The following ASCC3 variants were observed in gnomAD, a reference collection of about 807,000 sequenced individuals.
ASCC3 encodes ASC-1 complex subunit P200.
Under a neutral mutation model 256.3 loss-of-function variants are expected in ASCC3, and 158 were observed. The observed-to-expected ratio is 0.62, with a 90% CI of 0.54 to 0.70. The LOEUF (loss-of-function observed/expected upper bound fraction) is 0.70. Among genes scored for constraint, ASCC3 ranks in the 30% least tolerant of loss-of-function variants. The probability of loss-of-function intolerance (pLI) is 0.00; values close to 1 mark genes in which losing one functional copy is unlikely to be tolerated. For missense variants in ASCC3, 2,259 were observed against 2,626.0 expected (o/e 0.86, Z 3.05); for synonymous variants, 948 against 883.4 (o/e 1.07, Z -1.30).
intron 25 of ASCC3, among the ~76,000 whole-genome samples, chr6:100,632,691 C>A (rs1351438469): frequency 6.6e-6 from 1 of 152,122 alleles, no homozygotes; most frequent in Non-Finnish European, 1.5e-5. Context: ...GTCAACTAAT[C>A]TTCAACAAGG....
intron 10 of ASCC3, among the ~76,000 whole-genome samples, chr6:100,731,464 A>C (rs1779899750): frequency 6.6e-6 from 1 of 152,248 alleles, no homozygotes; most frequent in Admixed American, 6.5e-5. Context: ...CTGTTTATAC[A>C]AACCATAAAG....
Position 100,800,383 on chromosome 6 carries a change from G to A in ASCC3, c.1044C>T (p.Ala348=). The change falls in exon 6 of 42, where the codon GCC becomes GCT. Residue 348 remains alanine, a synonymous_variant. Transcript: ENST00000369162. ...CTTCTCCAGCCTTTTTTTCTCGTCT[G>A]GCAATTCTTTTTTCTTCACGTCGAT... ...KQYRREEKRI[A]RREKKAGEDL... The A allele has an allele frequency of 1.9e-6, 3 of 1,612,756 alleles. No individual in the cohort carries two copies. The highest frequency in any genetic ancestry group is 3.3e-4 in the Middle Eastern group (2 of 6,050).
chr6:100,654,020 C>A (rs1198801020), intron 17 of ASCC3, among the ~76,000 whole-genome samples: 1 of 151,686 alleles, frequency 6.6e-6, no homozygotes, highest in African/African-American at 2.4e-5. Context: ...TATTTATGTA[C>A]AAAATATAGC....
rs115307207 is a variant in ASCC3 at position 100,859,474 on chromosome 6, C to A, written c.241+4590G>T. ...AATACTGCTATATCCCTTTAACAGGCCTTTAGAATTCTAAATATCTACCAT... is the reference window on the plus strand; with the variant it reads ...AATACTGCTATATCCCTTTAACAGGACTTTAGAATTCTAAATATCTACCAT... On this transcript the variant is annotated intron_variant, in intron 3 of 41. Transcript: ENST00000369162. Among the ~76,000 whole-genome samples the A allele has an allele frequency of 5.4e-3, 827 of 152,124 alleles. 10 individuals are homozygous for A. Among genetic ancestry groups the A allele is most frequent in the African/African-American group, 0.019 (787 of 41,542 alleles).
intron 34 of ASCC3, among the ~76,000 whole-genome samples, chr6:100,596,510 A>G (rs554829019): frequency 6.6e-6 from 1 of 152,304 alleles, no homozygotes; most frequent in African/African-American, 2.4e-5. Context: ...GTAAACTACC[A>G]TAACTTTCTA....
chr6:100,670,288 G>A (rs1582667087), intron 14 of ASCC3, among the ~76,000 whole-genome samples: 1 of 151,900 alleles, frequency 6.6e-6, no homozygotes, highest in East Asian at 1.9e-4. Context: ...TGGGGGTAAA[G>A]CACAGTCTTC....
chr6:100,791,255 C>A (rs1019188179), intron 8 of ASCC3, among the ~76,000 whole-genome samples: 20 of 151,826 alleles, frequency 1.3e-4, no homozygotes, highest in African/African-American at 4.8e-4. Flanking sequence ...CAAGAATAAA[C>A]TGAGAATTTT....
At chr6:100,774,944 AG>A (rs1240407743) in intron 8 of ASCC3, among the ~76,000 whole-genome samples, 2 of 152,204 alleles carry the variant, frequency 1.3e-5, no homozygotes, top group Non-Finnish European at 2.9e-5. Context: ...TACAAGAAAC[AG>A]GATATTAGAA....
Position 100,848,614 on chromosome 6 carries a change from G to C in ASCC3, c.335C>G (p.Thr112Arg). The C allele has an allele frequency of 6.2e-7, 1 of 1,614,106 alleles. No homozygotes were observed. Among genetic ancestry groups the C allele is most frequent in the Non-Finnish European group, 8.5e-7 (1 of 1,180,014 alleles). The change falls in exon 4 of 42, where the codon ACA (threonine) becomes AGA (arginine). Residue 112 changes from threonine to arginine, a missense_variant. By Grantham distance (71) the Thr-to-Arg change is moderately conservative. This residue lies in a region of ASCC3 where 420 missense variants were observed against 419.3 expected (regional missense o/e 1.00). Transcript: ENST00000369162. ...HLKDSVGHKE[T>R]KAIKQMFGPF... is the part of the protein sequence containing the mutation. ...GCCAAACATCTGTTTGATAGCCTTT[G>C]TTTCCTTGTGACCAACAGAGTCCTT...
intron 3 of ASCC3, among the ~76,000 whole-genome samples, chr6:100,849,504 T>G (rs985292312): frequency 2.0e-5 from 3 of 152,134 alleles, no homozygotes; most frequent in African/African-American, 7.2e-5. Flanking sequence ...TCAAAAACAT[T>G]TAATACCATC....
chr6:100,669,499 CA>C (rs912328366), intron 14 of ASCC3, among the ~76,000 whole-genome samples: 2 of 151,324 alleles, frequency 1.3e-5, no homozygotes, highest in Non-Finnish European at 3.0e-5. Flanking sequence ...CTTGATTTGG[CA>C]AAAATACCAT....
In ASCC3 at chr6:100,848,506, G is replaced by A. The variant is rs775981781; in HGVS notation, c.443C>T (p.Ala148Val). Residue 148 changes from alanine to valine, a missense_variant, in exon 4 of 42, where the codon GCT becomes GTT. By Grantham distance (64) the Ala-to-Val change is moderately conservative. Transcript: ENST00000369162. ...ISHFSQDDLT[A>V]LVQMTEKEHG... ...TTCTTTTTCTGTCATCTGCACAAGA[G>A]CAGTAAGATCATCTTGACTAAAATG... The A allele has an allele frequency of 3.7e-6, 6 of 1,613,946 alleles. No individual in the cohort carries two copies. In the East Asian group the frequency reaches 1.3e-4, roughly 36 times the overall value.
intron 10 of ASCC3, among the ~76,000 whole-genome samples, chr6:100,756,057 A>G (rs554840421): frequency 2.0e-5 from 3 of 152,050 alleles, no homozygotes; most frequent in African/African-American, 7.2e-5. Flanking sequence ...TTGTTGGAAT[A>G]CAATACAAAA....
intron 4 of ASCC3, 29 bp downstream of exon 4, chr6:100,848,119 T>C (rs368129762): frequency 6.5e-7 from 1 of 1,536,918 alleles, no homozygotes; most frequent in Non-Finnish European, 8.7e-7. Context: ...TTCACATTAA[T>C]ATAAAAAAAT....
intron 13 of ASCC3, 66 bp from the exon 14 acceptor site, chr6:100,679,818 G>A (rs533376400): frequency 6.6e-7 from 1 of 1,522,122 alleles, no homozygotes; most frequent in Admixed American, 1.7e-5. Flanking sequence ...ATAGTAGCCT[G>A]GATATCATTC....
chr6:100,806,309 T>C (rs1770178469), intron 4 of ASCC3, among the ~76,000 whole-genome samples: 1 of 152,038 alleles, frequency 6.6e-6, no homozygotes, highest in South Asian at 2.1e-4. Flanking sequence ...AATGTTTTAA[T>C]GAATCATGAC....
At chr6:100,650,421 A>T in intron 20 of ASCC3, 117 bp downstream of exon 20, 1 of 1,010,938 alleles carries the variant, frequency 9.9e-7, no homozygotes, top group Non-Finnish European at 1.5e-6. Context: ...TTCTAAGTAA[A>T]ATGGTGGTTT....
chr6:100,832,029 A>T lies in ASCC3; in HGVS notation c.801+16119T>A, dbSNP rs527401524. Among the ~76,000 whole-genome samples the T allele has an allele frequency of 1.9e-4, 29 of 152,284 alleles. No homozygotes were observed. In the Middle Eastern group the frequency reaches 0.024, roughly 125 times the overall value. ...TGCAAGACAGAAGTAAATAGATTTT[A>T]AAAAAATTTTAAAGTATTGAAGAGA... On this transcript the variant is annotated intron_variant, in intron 4 of 41. Coordinates refer to ENST00000369162, the MANE Select transcript of ASCC3 (RefSeq NM_006828.4).
chr6:100,694,677 A>G (rs961749205), intron 13 of ASCC3, among the ~76,000 whole-genome samples: 54 of 152,306 alleles, frequency 3.5e-4, no homozygotes, highest in African/African-American at 1.3e-3. Flanking sequence ...AGGGGCTTCC[A>G]CTGGCCAAAT....
Sources: allele counts gnomAD v4.1 joint callset (sites outside exome capture counted in the v4.1 genomes callset), GRCh38; gene constraint gnomAD v4.1.1; regional missense constraint gnomAD v4.1.1; transcripts MANE v1.5; gene names NCBI Gene and HGNC (gene_info 2026-07-23, HGNC 2026-07-21).